Variants in FHL1 observed in about 807,000 individuals in gnomAD.
The protein encoded by FHL1 is four and a half LIM domains 1, also known as four and a half LIM domains protein 1.
FHL1 carries 1 observed loss-of-function variant against 20.3 expected under a neutral mutation model. The observed-to-expected ratio is 0.05, with a 90% CI of 0.02 to 0.23. The LOEUF is 0.23. FHL1 is among the 10% of genes least tolerant of loss of function. FHL1 has a pLI of 1.00. For missense variants in FHL1, 177 were observed against 234.0 expected (o/e 0.76, Z 1.59); for synonymous variants, 82 against 88.9 (o/e 0.92, Z 0.44).
intron 5 of FHL1, chrX:136,209,511 C>T: frequency 9.2e-7 from 1 of 1,082,673 alleles, no homozygotes; most frequent in East Asian, 3.0e-5. Flanking sequence ...TGGCCCTGAC[C>T]TAAATCAAAG....
intron 1 of FHL1, among the ~76,000 whole-genome samples, chrX:136,198,495 T>C (rs2073618488): frequency 8.9e-6 from 1 of 112,190 alleles, no homozygotes; most frequent in South Asian, 3.7e-4. Flanking sequence ...CAATTATTTA[T>C]ACCTTTTAGA....
chrX:136,182,423 T>C (rs1343622081), intron 2 of FHL1, among the ~76,000 whole-genome samples: 1 of 112,425 alleles, frequency 8.9e-6, no homozygotes, highest in Non-Finnish European at 1.9e-5. Context: ...GAAAACACTC[T>C]TGTTACAATT....
chrX:136,207,700 C>G, intron 3 of FHL1, 92 bp from the exon 4 acceptor site: 4 of 1,013,216 alleles, frequency 3.9e-6, no homozygotes, highest in Non-Finnish European at 5.6e-6. Context: ...CCTGCATCCC[C>G]TCACCTCTGG....
Position 136,210,893 on chromosome X carries a change from A to G in FHL1, c.*868A>G. 1 of 384,666 alleles carries G rather than the reference A, an allele frequency of 2.6e-6. No individual in the cohort carries two copies. The highest frequency in any genetic ancestry group is 2.6e-5 in the South Asian group (1 of 38,910). 31.7% of individuals were successfully genotyped at this position (384,666 alleles called of 1,213,427 possible). A position where few individuals can be genotyped will look rare whatever the true frequency, so the allele number is the denominator to read the frequency against. ...CATGAAAATATTTTAGCCCCCTCAG[A>G]TGTTCCTGCAGTGCTGAAATTCATC... On this transcript the variant is annotated 3_prime_UTR_variant, in exon 6 of 6. Transcript: ENST00000370683.
At chrX:136,164,968 TC>T (rs2072672470), upstream of FHL1, among the ~76,000 whole-genome samples, 1 of 111,881 alleles carries the variant, frequency 8.9e-6, no homozygotes, top group Non-Finnish European at 1.9e-5. Context: ...ACCCATCTTT[TC>T]CCAAACTGGA....
At chrX:136,199,587 T>A (rs981480522) in intron 1 of FHL1, among the ~76,000 whole-genome samples, 3 of 112,522 alleles carry the variant, frequency 2.7e-5, no homozygotes, top group Non-Finnish European at 3.8e-5. Flanking sequence ...GGCTAAGGCT[T>A]TGCTCCATCT....
upstream of FHL1, among the ~76,000 whole-genome samples, chrX:136,165,700 G>C: frequency 8.9e-6 from 1 of 112,081 alleles, no homozygotes; most frequent in Middle Eastern, 4.6e-3. Flanking sequence ...TCAAACAGCT[G>C]TTGTCACTGG....
chrX:136,210,049 A>C lies in FHL1; in HGVS notation c.*24A>C. 8.3e-7 allele frequency: 1 copy of C among 1,210,903 alleles called. No individual in the cohort carries two copies. The highest frequency in any genetic ancestry group is 1.1e-6 in the Non-Finnish European group (1 of 894,962). Reference sequence around the variant, plus strand: ...AAACTGACAGGGGCTCCTGTCCTGTAAAATGGCATTTGAATCTCGTTCTTT... The same window carrying C: ...AAACTGACAGGGGCTCCTGTCCTGTCAAATGGCATTTGAATCTCGTTCTTT... On this transcript the variant is annotated 3_prime_UTR_variant, in exon 6 of 6. Transcript: ENST00000370683.
At chrX:136,151,467 T>G (rs1342742958) in intron 1 of FHL1, among the ~76,000 whole-genome samples, 1 of 112,470 alleles carries the variant, frequency 8.9e-6, no homozygotes, top group Non-Finnish European at 1.9e-5. Flanking sequence ...ATCCCAGTAC[T>G]TTGGGAGGCT....
chrX:136,179,240 A>G (rs1207621600), intron 2 of FHL1, among the ~76,000 whole-genome samples: 1 of 111,815 alleles, frequency 8.9e-6, no homozygotes. Flanking sequence ...TTTGCTCCCT[A>G]CAGTGGTTCA....
intron 1 of FHL1, among the ~76,000 whole-genome samples, chrX:136,156,398 C>A (rs1205289419): frequency 1.8e-5 from 2 of 108,863 alleles, no homozygotes; most frequent in Non-Finnish European, 1.9e-5. Context: ...TCTCCTGCCT[C>A]AGCCTCCCAA....
At chrX:136,170,552 G>A (rs979381375) in intron 2 of FHL1, among the ~76,000 whole-genome samples, 2 of 111,451 alleles carry the variant, frequency 1.8e-5, no homozygotes, top group Admixed American at 1.9e-4. Flanking sequence ...GTGTAAGAAT[G>A]CTTATACTGG....
upstream of FHL1, chrX:136,196,779 T>C (rs2073565288): frequency 8.6e-7 from 1 of 1,159,847 alleles, no homozygotes; most frequent in African/African-American, 1.8e-5. Context: ...CAGAGCCGAG[T>C]CCAAATTTTA....
At chrX:136,165,516 T>A (rs2072688339), upstream of FHL1, among the ~76,000 whole-genome samples, 1 of 112,171 alleles carries the variant, frequency 8.9e-6, no homozygotes, top group South Asian at 3.7e-4. Context: ...TGTACCTAAT[T>A]AAGAAGATGT....
At chrX:136,198,472 G>A (rs2073617949) in intron 1 of FHL1, among the ~76,000 whole-genome samples, 1 of 111,810 alleles carries the variant, frequency 8.9e-6, no homozygotes, top group Non-Finnish European at 1.9e-5. Flanking sequence ...TAATAACTGT[G>A]GCTAAATGGG....
At chrX:136,183,505 T>A (rs968181393) in intron 2 of FHL1, among the ~76,000 whole-genome samples, 1 of 112,125 alleles carries the variant, frequency 8.9e-6, no homozygotes, top group African/African-American at 3.2e-5. Flanking sequence ...AGTTTAAAAC[T>A]ATATCTAGTT....
chrX:136,173,692 T>G (rs915147629), intron 2 of FHL1, among the ~76,000 whole-genome samples: 62 of 109,028 alleles, frequency 5.7e-4, no homozygotes, highest in African/African-American at 2.0e-3. Flanking sequence ...CTGCTGTTTC[T>G]TTTCTTTTTT....
At chrX:136,163,732 T>C (rs1392340108) in intron 1 of FHL1, among the ~76,000 whole-genome samples, 1 of 111,963 alleles carries the variant, frequency 8.9e-6, no homozygotes. Context: ...TGTATGGATC[T>C]GTACAATTCT....
At chrX:136,174,022 A>G (rs2072940143) in intron 2 of FHL1, among the ~76,000 whole-genome samples, 1 of 111,904 alleles carries the variant, frequency 8.9e-6, no homozygotes, top group Non-Finnish European at 1.9e-5. Context: ...TAGCTAGAGC[A>G]TGAACTCTGA....
Sources: allele counts gnomAD v4.1 joint callset (sites outside exome capture counted in the v4.1 genomes callset), GRCh38; gene constraint gnomAD v4.1.1; transcripts MANE v1.5; gene names NCBI Gene and HGNC (gene_info 2026-07-23, HGNC 2026-07-21).